Variants in NBEAL2 observed in about 807,000 individuals in gnomAD.
NBEAL2 encodes neurobeachin like 2.
Under a neutral mutation model 299.8 loss-of-function variants are expected in NBEAL2, and 160 were observed. The observed-to-expected ratio is 0.53, with a 90% CI of 0.47 to 0.61. NBEAL2 has a LOEUF of 0.61. Among genes scored for constraint, NBEAL2 ranks in the 20% least tolerant of loss-of-function variants. The pLI, the probability that NBEAL2 is intolerant of heterozygous loss-of-function variation, is 0.00. For missense variants in NBEAL2, 3,112 were observed against 3,649.0 expected, an observed-to-expected ratio of 0.85 and a Z score of 3.79; for synonymous variants, 1,493 against 1,542.3, an observed-to-expected ratio of 0.97 and a Z score of 0.75.
In NBEAL2 at chr3:47,009,053, G is replaced by T; in HGVS notation, c.8092G>T (p.Glu2698Ter). Residue 2698 changes from glutamate (E) to a stop codon, truncating the protein, a stop_gained, in exon 53 of 54, where the codon GAG becomes TAG. Transcript: ENST00000450053. LOFTEE classifies it high-confidence loss of function. ...CATCCGCAGCGTGGCCGTGACCAAG[G>T]AGCGCAGCCACGTGCTGGTGGGCCT... is the stretch of plus-strand genomic sequence containing the variant. Reference protein sequence around the residue: ...VAIRSVAVTKERSHVLVGLED... With the variant: ...VAIRSVAVTK The T allele has an allele frequency of 6.2e-7, 1 of 1,602,078 alleles. No homozygotes were observed. The highest frequency in any genetic ancestry group is 8.5e-7 in the Non-Finnish European group (1 of 1,179,772).
chr3:46,997,938 AG>A, intron 20 of NBEAL2, 128 bp from the exon 21 acceptor site: 1 of 1,293,708 alleles, frequency 7.7e-7, no homozygotes, highest in South Asian at 1.5e-5. Flanking sequence ...AAGCCCCCAA[AG>A]GGTTCTGAGC....
At position 46,995,708 on chromosome 3, in the gene NBEAL2, C is replaced by T. The variant is rs775271035; in HGVS notation, c.1899-6C>T. 53 of 1,613,132 alleles carry T rather than the reference C, an allele frequency of 3.3e-5. No individual in the cohort carries two copies. The highest frequency in any genetic ancestry group is 4.2e-5 in the Non-Finnish European group (50 of 1,179,540). ...AAGCAGACATAACTGGCTTGCCTGC[C>T]CCCAGCTTCTTTACCAGCAGCGGCT... On this transcript the variant is annotated splice_region_variant and splice_polypyrimidine_tract_variant and intron_variant, in intron 13 of 53. Coordinates refer to ENST00000450053, the MANE Select transcript of NBEAL2 (RefSeq NM_015175.3).
rs1391684990 is a variant in NBEAL2, at chr3:47,000,327, T to G, written c.4228T>G (p.Ser1410Ala). Residue 1410 changes from serine (S) to alanine (A), a missense_variant, in exon 27 of 54, where the codon TCC becomes GCC. By Grantham distance (99) the Ser-to-Ala change is moderately conservative. This residue lies in a region of NBEAL2 where 2,243 missense variants were observed against 2,538.1 expected (regional missense o/e 0.88). Coordinates refer to ENST00000450053, the MANE Select transcript of NBEAL2 (RefSeq NM_015175.3). The surrounding 1 kb of genome is among the most constrained non-coding windows in gnomAD (Gnocchi z 4.5). The part of the protein sequence containing the change: ...AAPGRHSSSL[S>A]NVLEDGSLPE... ...TCCTGGCCGCCACAGCTCCAGTCTCTCCAATGTGCTGGAGGACGGCAGCCT... is the reference window on the plus strand; with the variant it reads ...TCCTGGCCGCCACAGCTCCAGTCTCGCCAATGTGCTGGAGGACGGCAGCCT... 1 of 1,609,172 alleles carries G rather than the reference T, an allele frequency of 6.2e-7. No individual in the cohort carries two copies. Among genetic ancestry groups the G allele is most frequent in the Non-Finnish European group, 8.5e-7 (1 of 1,177,004 alleles).
In NBEAL2 at chr3:46,999,427, T is replaced by C. The variant is rs762080653; in HGVS notation, c.3656T>C (p.Val1219Ala). The C allele has an allele frequency of 1.9e-6, 3 of 1,589,446 alleles. No individual in the cohort carries two copies. The highest frequency in any genetic ancestry group is 2.6e-6 in the Non-Finnish European group (3 of 1,168,670). The change falls in exon 25 of 54, where the codon GTT (valine) becomes GCT (alanine). Residue 1219 changes from valine (V) to alanine (A), a missense_variant. By Grantham distance (64) the Val-to-Ala change is moderately conservative. Coordinates refer to ENST00000450053, the MANE Select transcript of NBEAL2 (RefSeq NM_015175.3). Reference sequence around the variant, plus strand: ...GTTGCCTGCTTGCCTGAGGGGACTGTTTCCCCCCAGCTCTGCCAGGGCCTC... The same window carrying C: ...GTTGCCTGCTTGCCTGAGGGGACTGCTTCCCCCCAGCTCTGCCAGGGCCTC... ...GLVACLPEGTVSPQLCQGLYK... is the reference protein window; with the variant it reads ...GLVACLPEGTASPQLCQGLYK...
At position 46,998,580 on chromosome 3, in the gene NBEAL2, G is replaced by T; in HGVS notation, c.3221+15G>T. On this transcript the variant is annotated intron_variant, in intron 22 of 53. Coordinates refer to ENST00000450053, the MANE Select transcript of NBEAL2 (RefSeq NM_015175.3). ...ACCCACTACAGGTGAGGCCAGTGGG[G>T]CCAGATGGGCCATGGGGGGCTGACA... 1 of 1,601,960 alleles carries T rather than the reference G, an allele frequency of 6.2e-7. No individual in the cohort carries two copies.
Position 47,002,284 on chromosome 3 carries a change from A to G in NBEAL2, c.5147A>G (p.Lys1716Arg). The G allele has an allele frequency of 4.4e-6, 7 of 1,574,192 alleles. No individual in the cohort carries two copies. The highest frequency in any genetic ancestry group is 6.0e-6 in the Non-Finnish European group (7 of 1,157,490). ...CCCGAATGGCGCCACTTCATCGACA[A>G]ACAGGTGCCTGGAGGTTGGGGCCCA... ...ATPEWRHFID[K>R]QVQPTMSQFE... Residue 1716 changes from lysine (K) to arginine (R), a missense_variant, in exon 31 of 54, where the codon AAA (lysine) becomes AGA (arginine). Physicochemically the swap from Lys to Arg is conservative, Grantham distance 26. Coordinates refer to ENST00000450053, the MANE Select transcript of NBEAL2 (RefSeq NM_015175.3).
intron 52 of NBEAL2, 98 bp downstream of exon 52, chr3:47,008,766 C>T: frequency 1.3e-6 from 2 of 1,539,098 alleles, no homozygotes; most frequent in Non-Finnish European, 1.8e-6. Flanking sequence ...TGTTTGTGGG[C>T]ACATATTTCA....
At chr3:46,997,969 T>C in intron 20 of NBEAL2, 98 bp from the exon 21 acceptor site, 1 of 1,398,616 alleles carries the variant, frequency 7.1e-7, no homozygotes, top group South Asian at 1.5e-5. Flanking sequence ...GCCATGTTTG[T>C]GGCCGTCATG....
At position 47,006,077 on chromosome 3, in the gene NBEAL2, T is replaced by G; in HGVS notation, c.6919+14T>G. 1.2e-6 allele frequency: 2 copies of G among 1,613,158 alleles called. No homozygotes were observed. The highest frequency in any genetic ancestry group is 1.7e-6 in the Non-Finnish European group (2 of 1,179,342). ...GCACCTATGAGGGTGGGCAGTGCGC[T>G]GGACTCCAGTCAGGGCCAGGACAAG... On this transcript the variant is annotated intron_variant, in intron 43 of 53. Transcript: ENST00000450053.
chr3:46,993,692 A>G (rs1430224757), intron 10 of NBEAL2, among the ~76,000 whole-genome samples: 1 of 152,138 alleles, frequency 6.6e-6, no homozygotes, highest in African/African-American at 2.4e-5. Context: ...AATCTGTCCC[A>G]GTGAGGCCCT....
intron 1 of NBEAL2, among the ~76,000 whole-genome samples, chr3:46,986,175 CAG>C (rs1470643516): frequency 6.6e-6 from 1 of 152,184 alleles, no homozygotes; most frequent in Admixed American, 6.5e-5. Context: ...TTGATTGTCC[CAG>C]CCCTGAACCC....
rs2107328993 is a variant in NBEAL2 at position 46,994,092 on chromosome 3, C to T, written c.1197+72C>T. On this transcript the variant is annotated intron_variant, in intron 11 of 53. Coordinates refer to ENST00000450053, the MANE Select transcript of NBEAL2 (RefSeq NM_015175.3). Reference sequence around the variant, plus strand: ...CAACTGACCATATCCCCAGAACAGGCCTGGCCGGTGGCCATAAGCATCCTG... The same window carrying T: ...CAACTGACCATATCCCCAGAACAGGTCTGGCCGGTGGCCATAAGCATCCTG... 10 of 1,452,398 alleles carry T rather than the reference C, an allele frequency of 6.9e-6. No individual in the cohort carries two copies. The South Asian group carries it at 1.1e-4, about 16-fold the overall frequency. The allele number at this position is 1,452,398 out of a possible 1,614,324, so 90.0% of individuals were successfully genotyped here. A position where few individuals can be genotyped will look rare whatever the true frequency, so the allele number is the denominator to read the frequency against.
chr3:46,990,454 T>A (rs2036002551), intron 6 of NBEAL2, among the ~76,000 whole-genome samples: 3 of 152,182 alleles, frequency 2.0e-5, no homozygotes, highest in African/African-American at 7.2e-5. Flanking sequence ...TGTCCTCTCA[T>A]TCCCAGACTG....
Position 47,009,237 on chromosome 3 carries a change from G to T in NBEAL2, c.8182G>T (p.Ala2728Ser). The T allele has an allele frequency of 1.9e-6, 3 of 1,599,838 alleles. No individual in the cohort carries two copies. Among genetic ancestry groups the T allele is most frequent in the Non-Finnish European group, 2.6e-6 (3 of 1,174,698 alleles). Residue 2728 changes from alanine (A) to serine (S), a missense_variant, in exon 54 of 54, where the codon GCG becomes TCG. By Grantham distance (99) the Ala-to-Ser change is moderately conservative (BLOSUM62 1). This residue lies in a region of NBEAL2 where 348 missense variants were observed against 381.4 expected (regional missense o/e 0.91). Transcript: ENST00000450053. The stretch of plus-strand genomic sequence containing the variant: ...CCACCAGGTGCGCAGCAGCCAGTTC[G>T]CGCGGAAGCTGTGGCGGTCCTCGCG... Reference protein sequence around the residue: ...QPSEVRSSQFARKLWRSSRRI... With the variant: ...QPSEVRSSQFSRKLWRSSRRI...
At chr3:46,997,461 G>T (rs1334291502) in intron 19 of NBEAL2, 28 bp downstream of exon 19, 1 of 1,600,888 alleles carries the variant, frequency 6.2e-7, no homozygotes, top group South Asian at 1.1e-5. Flanking sequence ...CTATGTTGTG[G>T]AGAGGGAATC....
In NBEAL2 at chr3:47,000,100, C is replaced by A. The variant is rs1012306796; in HGVS notation, c.4001C>A (p.Pro1334His). The stretch of plus-strand genomic sequence containing the variant: ...GCTGAGCCTTCAGATGTCTTCCTGC[C>A]CTCAGAGGCCCCCTGCCCTGACCCT... Reference protein sequence around the residue: ...SPAEPSDVFLPSEAPCPDPDG... With the variant: ...SPAEPSDVFLHSEAPCPDPDG... Residue 1334 changes from proline (P) to histidine (H), a missense_variant, in exon 27 of 54, where the codon CCC becomes CAC. Coordinates refer to ENST00000450053, the MANE Select transcript of NBEAL2 (RefSeq NM_015175.3). The surrounding 1 kb of genome is among the most constrained non-coding windows in gnomAD (Gnocchi z 4.5). 1 of 1,613,794 alleles carries A rather than the reference C, an allele frequency of 6.2e-7. No individual in the cohort carries two copies. The highest frequency in any genetic ancestry group is 1.7e-5 in the Admixed American group (1 of 60,016).
At position 46,989,626 on chromosome 3, in the gene NBEAL2, A is replaced by G. The variant is rs1575589901; in HGVS notation, c.556+33A>G. The G allele has an allele frequency of 1.3e-6, 2 of 1,525,746 alleles. No individual in the cohort carries two copies. The highest frequency in any genetic ancestry group is 2.0e-5 in the Admixed American group (1 of 50,190). 94.5% of individuals were successfully genotyped at this position (1,525,746 alleles called of 1,614,324 possible). A position where few individuals can be genotyped will look rare whatever the true frequency, so the allele number is the denominator to read the frequency against. On this transcript the variant is annotated intron_variant, in intron 6 of 53. Coordinates refer to ENST00000450053, the MANE Select transcript of NBEAL2 (RefSeq NM_015175.3). This position sits in a 1 kb window ranked among gnomAD's most constrained non-coding sequence, Gnocchi z 5.5. ...CCCGCCCCTGCCCCCACTTGGCTCC[A>G]CCCCCAAACCTAGGCCCCTTCCTGT...
At position 46,988,653 on chromosome 3, in the gene NBEAL2, CCT is replaced by C; in HGVS notation, c.52-15_52-14del. On this transcript the variant is annotated splice_polypyrimidine_tract_variant and intron_variant, in intron 1 of 53. Coordinates refer to ENST00000450053, the MANE Select transcript of NBEAL2 (RefSeq NM_015175.3). This position sits in a 1 kb window ranked among gnomAD's most constrained non-coding sequence, Gnocchi z 4.4. ...CCCTCCTGCCCCCCACCACTGTTCCCCTGTTCTGCCTACAGAAGGACCTGGGT... is the reference window on the plus strand; with the variant it reads ...CCCTCCTGCCCCCCACCACTGTTCCCGTTCTGCCTACAGAAGGACCTGGGT... 1 of 1,611,854 alleles carries C rather than the reference CCT, an allele frequency of 6.2e-7. No individual in the cohort carries two copies. The highest frequency in any genetic ancestry group is 1.7e-4 in the Middle Eastern group (1 of 6,058).
chr3:46,999,726 G>C lies in NBEAL2; in HGVS notation c.3789+11G>C. ...GACATCTGTCGCCAGGTGAGCATGA[G>C]AGGTAAAAGCTTTGGGGGAGGGGGA... On this transcript the variant is annotated intron_variant, in intron 26 of 53. Coordinates refer to ENST00000450053, the MANE Select transcript of NBEAL2 (RefSeq NM_015175.3). 4.3e-6 allele frequency: 7 copies of C among 1,612,048 alleles called. No homozygotes were observed. Among genetic ancestry groups the C allele is most frequent in the Non-Finnish European group, 5.9e-6 (7 of 1,179,182 alleles).
Sources: allele counts gnomAD v4.1 joint callset (sites outside exome capture counted in the v4.1 genomes callset), GRCh38; gene constraint gnomAD v4.1.1; regional missense constraint gnomAD v4.1.1; non-coding constraint Gnocchi (gnomAD v3.1); transcripts MANE v1.5; gene names NCBI Gene and HGNC (gene_info 2026-07-23, HGNC 2026-07-21).